The following SIL1 variants were observed in gnomAD, a reference collection of about 807,000 sequenced individuals.
SIL1 encodes SIL1 nucleotide exchange factor, also known as nucleotide exchange factor SIL1.
In SIL1, 40 loss-of-function variants were observed where a neutral mutation model predicts 49.1. The observed-to-expected ratio is 0.81, with a 90% CI of 0.63 to 1.06. The LOEUF (loss-of-function observed/expected upper bound fraction) is 1.06. SIL1 is among the 50% of genes least tolerant of loss of function. The probability of loss-of-function intolerance (pLI) is 0.00; values close to 1 mark genes in which losing one functional copy is unlikely to be tolerated. For missense variants in SIL1, 500 were observed against 572.6 expected (o/e 0.87, Z 1.29); for synonymous variants, 253 against 250.8 (o/e 1.01, Z -0.08).
intron 1 of SIL1, among the ~76,000 whole-genome samples, chr5:139,128,302 A>G (rs1750795071): frequency 6.6e-6 from 1 of 152,170 alleles, no homozygotes; most frequent in African/African-American, 2.4e-5. Flanking sequence ...ATCCTCTAAG[A>G]CAGCAAAGTT....
intron 7 of SIL1, among the ~76,000 whole-genome samples, chr5:139,015,990 G>A (rs1427094467): frequency 6.6e-6 from 1 of 152,058 alleles, no homozygotes; most frequent in Admixed American, 6.5e-5. Context: ...CAGAAAGCTG[G>A]GGCAAGAAGA....
At chr5:138,958,462 G>C (rs1424867259) in intron 7 of SIL1, among the ~76,000 whole-genome samples, 1 of 152,064 alleles carries the variant, frequency 6.6e-6, no homozygotes, top group African/African-American at 2.4e-5. Context: ...TATTTTGTGG[G>C]GAGACACTTT....
rs34177563 is a variant in SIL1 at position 139,086,108 on chromosome 5, G to GA, written c.244+34926dup. 1.7e-3 allele frequency among the ~76,000 whole-genome samples: 244 copies of GA among 139,462 alleles called. No homozygotes were observed. In the East Asian group the frequency reaches 0.022, roughly 13 times the overall value. The allele number at this position is 139,462 out of a possible 152,430, so 91.5% of individuals were successfully genotyped here. ...AACATACTGAAACCCCGACTCTACC[G>GA]AAAAAAAAAAAAAAATTAGCTGGGT... On this transcript the variant is annotated intron_variant, in intron 3 of 9. Coordinates refer to ENST00000394817, the MANE Select transcript of SIL1 (RefSeq NM_022464.5).
At chr5:139,101,130 T>C (rs1294916721) in intron 3 of SIL1, among the ~76,000 whole-genome samples, 1 of 152,138 alleles carries the variant, frequency 6.6e-6, no homozygotes, top group African/African-American at 2.4e-5. Context: ...ATCCACTGTG[T>C]ACCTAGTACT....
intron 1 of SIL1, among the ~76,000 whole-genome samples, chr5:139,137,133 T>C (rs1251150349): frequency 3.3e-5 from 5 of 152,228 alleles, no homozygotes; most frequent in African/African-American, 1.2e-4. Context: ...CCCCCAGCAT[T>C]CAAATATACT....
chr5:139,010,108 C>T (rs1202095993), intron 7 of SIL1, among the ~76,000 whole-genome samples: 8 of 141,344 alleles, frequency 5.7e-5, no homozygotes, highest in African/African-American at 1.8e-4. Flanking sequence ...ACCAATCAGA[C>T]GTAGATTTGG....
At chr5:139,099,837 TAGAA>T (rs1231775315) in intron 3 of SIL1, among the ~76,000 whole-genome samples, 1 of 152,074 alleles carries the variant, frequency 6.6e-6, no homozygotes, top group African/African-American at 2.4e-5. Context: ...ATTAAAAAAA[TAGAA>T]AGAATAAGTA....
chr5:139,138,941 T>C (rs1229031907), intron 1 of SIL1, among the ~76,000 whole-genome samples: 2 of 152,208 alleles, frequency 1.3e-5, no homozygotes, highest in African/African-American at 2.4e-5. Flanking sequence ...CACATTTCCA[T>C]TGAAACCTTT....
At chr5:138,978,427 A>G (rs543307467) in intron 7 of SIL1, among the ~76,000 whole-genome samples, 1 of 152,308 alleles carries the variant, frequency 6.6e-6, no homozygotes, top group African/African-American at 2.4e-5. Flanking sequence ...CATTATATTT[A>G]CCCATTTCTC....
chr5:139,152,547 G>A (rs1477108736), intron 1 of SIL1, among the ~76,000 whole-genome samples: 3 of 151,406 alleles, frequency 2.0e-5, no homozygotes, highest in Admixed American at 1.3e-4. Context: ...CTTGAACCCA[G>A]GAGGCAGAGG....
intron 3 of SIL1, among the ~76,000 whole-genome samples, chr5:139,113,324 T>TTAATTAAAA (rs1258987880): frequency 1.4e-3 from 151 of 111,442 alleles, no homozygotes; most frequent in Non-Finnish European, 1.9e-3. Context: ...AATAAATAAA[T>TTAATTAAAA]AAATTTAAAA....
chr5:139,186,687 G>C (rs539296016), intron 1 of SIL1, among the ~76,000 whole-genome samples: 1 of 152,306 alleles, frequency 6.6e-6, no homozygotes, highest in South Asian at 2.1e-4. Flanking sequence ...GAGTAACACA[G>C]GAGGCTAAAC....
Position 138,985,096 on chromosome 5 carries a change from G to A in SIL1, c.768-33212C>T, listed in dbSNP as rs191943231. Reference sequence around the variant, plus strand: ...CTTATCTCTATAGCATCCTAAGGGTGTGGCATGGGCCCTGGTTCACCAGCT... The same window carrying A: ...CTTATCTCTATAGCATCCTAAGGGTATGGCATGGGCCCTGGTTCACCAGCT... On this transcript the variant is annotated intron_variant, in intron 7 of 9. Transcript: ENST00000394817. 1.9e-4 allele frequency among the ~76,000 whole-genome samples: 29 copies of A among 152,356 alleles called. No homozygotes were observed. In the East Asian group the frequency reaches 5.4e-3, roughly 28 times the overall value.
Position 139,191,190 on chromosome 5 carries a change from C to T in SIL1, c.-11+7079G>A, listed in dbSNP as rs1217794765. Among the ~76,000 whole-genome samples the T allele has an allele frequency of 3.6e-5, 5 of 139,564 alleles. No individual in the cohort carries two copies. The East Asian group carries it at 1.1e-3, about 29-fold the overall frequency. The allele number at this position is 139,564 out of a possible 152,430, so 91.6% of individuals were successfully genotyped here. ...GAGGTTGCAGTGAGCCAAGATCACACTCACACCTGGGTGACAGTGAGACTC... is the reference window on the plus strand; with the variant it reads ...GAGGTTGCAGTGAGCCAAGATCACATTCACACCTGGGTGACAGTGAGACTC... On this transcript the variant is annotated intron_variant, in intron 1 of 9. Coordinates refer to ENST00000394817, the MANE Select transcript of SIL1 (RefSeq NM_022464.5).
chr5:138,949,882 A>T (rs1039246082), intron 9 of SIL1, among the ~76,000 whole-genome samples: 3 of 152,156 alleles, frequency 2.0e-5, no homozygotes, highest in African/African-American at 7.2e-5. Flanking sequence ...TGACTGCCTC[A>T]GCCCAAGTAC....
At chr5:139,139,168 G>T (rs1751033762) in intron 1 of SIL1, among the ~76,000 whole-genome samples, 1 of 152,168 alleles carries the variant, frequency 6.6e-6, no homozygotes, top group Admixed American at 6.5e-5. Context: ...CAGGGACTAA[G>T]GGTCCCAGGG....
intron 7 of SIL1, among the ~76,000 whole-genome samples, chr5:138,993,938 A>G (rs1767809664): frequency 6.6e-6 from 1 of 152,248 alleles, no homozygotes; most frequent in Non-Finnish European, 1.5e-5. Context: ...TAAGTTTGTG[A>G]GAATTTGTTA....
At chr5:138,983,002 G>A (rs2150400443) in intron 7 of SIL1, among the ~76,000 whole-genome samples, 1 of 151,484 alleles carries the variant, frequency 6.6e-6, no homozygotes, top group East Asian at 2.0e-4. Context: ...TTCGAGGCCA[G>A]CCTGGGCAAC....
intron 3 of SIL1, among the ~76,000 whole-genome samples, chr5:139,114,066 C>T (rs1239441176): frequency 6.6e-6 from 1 of 152,226 alleles, no homozygotes. Context: ...AGCTGCTCTC[C>T]ATCACCACCC....
Sources: gnomAD v4.1 joint callset for allele counts (sites outside exome capture counted in the v4.1 genomes callset) on GRCh38, gnomAD v4.1.1 for gene constraint, MANE v1.5 for transcripts, NCBI Gene and HGNC (gene_info 2026-07-23, HGNC 2026-07-21) for gene names.